MYO15B: variants seen among roughly 807,000 people sequenced by gnomAD.
MYO15B encodes the protein myosin XVB.
Under a neutral mutation model 119.3 loss-of-function variants are expected in MYO15B, and 207 were observed. The observed-to-expected ratio is 1.73, with a 90% CI of 1.55 to 1.95. MYO15B has a LOEUF of 1.95. Ranked by LOEUF, MYO15B falls within the 30% of genes most tolerant of loss-of-function variation. The pLI, the probability that MYO15B is intolerant of heterozygous loss-of-function variation, is 0.00. For missense variants in MYO15B, 2,264 were observed against 1,203.1 expected, an observed-to-expected ratio of 1.88 and a Z score of -13.04; for synonymous variants, 966 against 498.9, an observed-to-expected ratio of 1.94 and a Z score of -12.48.
At chr17:75,621,318 T>C (rs1331849285) in intron 50 of MYO15B, 27 bp from the exon 51 acceptor site, 1 of 689,782 alleles carries the variant, frequency 1.4e-6, no homozygotes. Context: ...CCAAACAAGC[T>C]GGGCTGTCTC....
intron 53 of MYO15B, among the ~76,000 whole-genome samples, chr17:75,622,500 T>TG (rs2058766723): frequency 6.6e-6 from 1 of 152,038 alleles, no homozygotes; most frequent in African/African-American, 2.4e-5. Flanking sequence ...AGGATGAGGA[T>TG]GGGGAGCGGA....
At chr17:75,602,856 A>G in exon 17 of MYO15B, 1 of 646,418 alleles carries the variant, frequency 1.5e-6, no homozygotes, top group Non-Finnish European at 2.8e-6. Context: ...TCCAGGAGGC[A>G]GAGCCCCAGT....
Position 75,624,185 on chromosome 17 carries a change from GAGCA to G in MYO15B, c.8284_8287del (p.Ser2762AlafsTer23), listed in dbSNP as rs1568233438. 4.3e-6 allele frequency: 3 copies of G among 702,990 alleles called. No individual in the cohort carries two copies. The South Asian group carries it at 4.4e-5, about 10-fold the overall frequency. 43.5% of individuals were successfully genotyped at this position (702,990 alleles called of 1,614,324 possible). A position where few individuals can be genotyped will look rare whatever the true frequency, so the allele number is the denominator to read the frequency against. ...CTGGCTTCTCTGCAGAGCTGGCCCG[GAGCA>G]GCCAGGAGCACCTCCAGCGCACAGT... On this transcript the variant is annotated frameshift_variant, in exon 56 of 64. Coordinates refer to ENST00000645453, the Ensembl canonical transcript of MYO15B. LOFTEE classifies it high-confidence loss of function.
intron 2 of MYO15B, 64 bp from the exon 3 acceptor site, chr17:75,590,843 T>TGCC (rs1328816285): frequency 3.6e-6 from 1 of 280,522 alleles, no homozygotes; most frequent in Non-Finnish European, 6.9e-6. Context: ...ACTGAGGGGC[T>TGCC]GGGCTCTGTT....
chr17:75,592,686 CCTGCAGGCTGCAAGGCAAGGA>C (rs1480106168), exon 9 of MYO15B: 1 of 700,652 alleles, frequency 1.4e-6, no homozygotes, highest in African/African-American at 1.7e-5. Flanking sequence ...CAGGGCCAGG[CCTGCAGGCTGCAAGGCAAGGA>C]GGATGCCCAG....
At chr17:75,588,184 G>T (rs777838038) in exon 1 of MYO15B, 13 of 397,886 alleles carry the variant, frequency 3.3e-5, no homozygotes, top group Non-Finnish European at 5.3e-5. Flanking sequence ...TTCCGACCGC[G>T]GGCAGGCGGA....
chr17:75,621,144 C>T (rs541035542), exon 50 of MYO15B: 33 of 700,886 alleles, frequency 4.7e-5, no homozygotes, highest in African/African-American at 3.3e-4. Flanking sequence ...TGCAGGAATT[C>T]GCCCGGCGTT....
intron 41 of MYO15B, 24 bp from the exon 42 acceptor site, chr17:75,617,773 CCCTCACTGAGGCT>C: frequency 1.5e-6 from 1 of 687,068 alleles, no homozygotes; most frequent in Non-Finnish European, 2.7e-6. Context: ...GCTCTGCAGC[CCCTCACTGAGGCT>C]CCTCACCCCC....
chr17:75,625,840 G>GC lies in MYO15B; in HGVS notation c.8939-3dup. The GC allele has an allele frequency of 1.4e-6, 1 of 702,728 alleles. No individual in the cohort carries two copies. The highest frequency in any genetic ancestry group is 2.6e-6 in the Non-Finnish European group (1 of 384,986). 43.5% of individuals were successfully genotyped at this position (702,728 alleles called of 1,614,324 possible). A position where few individuals can be genotyped will look rare whatever the true frequency, so the allele number is the denominator to read the frequency against. On this transcript the variant is annotated splice_polypyrimidine_tract_variant and splice_region_variant and intron_variant, in intron 61 of 63. Transcript: ENST00000645453. ...TTTCCTGCCTGCACCCTCTCCACCC[G>GC]CAGAGGCCATGAGCCAGCTGCCCCT...
intron 41 of MYO15B, chr17:75,617,575 T>TACCCGAC: frequency 3.5e-6 from 2 of 569,258 alleles, no homozygotes. Context: ...GTGAGGAAGT[T>TACCCGAC]AGTGGCCCTG....
chr17:75,623,277 A>G (rs779174675), intron 53 of MYO15B, among the ~76,000 whole-genome samples: 1 of 152,124 alleles, frequency 6.6e-6, no homozygotes, highest in Non-Finnish European at 1.5e-5. Flanking sequence ...GTGAGCCAAG[A>G]TGGCACCACT....
chr17:75,616,413 G>C lies in MYO15B; in HGVS notation c.6211G>C (p.Glu2071Gln), dbSNP rs1179669843. The stretch of plus-strand genomic sequence containing the variant: ...GGAGGAGGAGGAGGAGGAGGAGGAG[G>C]AGCAGGAGGAGCAAGAAGTGGAAAC... Residue 2071 changes from glutamate to glutamine, a missense_variant, in exon 38 of 64, where the codon GAG (glutamate) becomes CAG (glutamine). Coordinates refer to ENST00000645453, the Ensembl canonical transcript of MYO15B. 3 of 626,376 alleles carry C rather than the reference G, an allele frequency of 4.8e-6. No individual in the cohort carries two copies. In the East Asian group the frequency reaches 8.2e-5, roughly 17 times the overall value. 38.8% of individuals were successfully genotyped at this position (626,376 alleles called of 1,614,324 possible).
rs374181850 is a variant in MYO15B at position 75,613,686 on chromosome 17, G to A, written c.5147-19G>A. On this transcript the variant is annotated intron_variant, in intron 28 of 63. Transcript: ENST00000645453. The stretch of plus-strand genomic sequence containing the variant: ...TCTGCTGTCCCTCACTCTTGCCCCC[G>A]CCCCCCATGCCCCTGCAGAGGAGTG... 298 of 697,996 alleles carry A rather than the reference G, an allele frequency of 4.3e-4. 4 individuals are homozygous for A. The East Asian group carries it at 4.8e-3, about 11-fold the overall frequency. The allele number at this position is 697,996 out of a possible 1,614,324, so 43.2% of individuals were successfully genotyped here.
chr17:75,624,439 A>G (rs2058901067), exon 57 of MYO15B: 1 of 702,812 alleles, frequency 1.4e-6, no homozygotes, highest in African/African-American at 1.7e-5. Context: ...GAATATCCAG[A>G]CTTTCACAGT....
At chr17:75,616,835 C>G (rs903796706) in intron 39 of MYO15B, 39 bp from the exon 40 acceptor site, 2 of 702,956 alleles carry the variant, frequency 2.8e-6, no homozygotes, top group African/African-American at 3.5e-5. Context: ...CTCGGGGAAT[C>G]ACCCTATGAA....
intron 54 of MYO15B, 25 bp downstream of exon 54, chr17:75,623,879 G>GTC (rs1486969573): frequency 7.3e-6 from 4 of 551,180 alleles, no homozygotes; most frequent in Non-Finnish European, 1.3e-5. Flanking sequence ...GTGGCTTCTG[G>GTC]GGGTGGCTTC....
At chr17:75,619,107 C>T (rs982827216) in intron 43 of MYO15B, 36 bp from the exon 44 acceptor site, 2 of 702,664 alleles carry the variant, frequency 2.8e-6, no homozygotes, top group Non-Finnish European at 2.6e-6. Flanking sequence ...GGCTCTGTCT[C>T]AGGACCTGGT....
chr17:75,621,159 C>T (rs1441862751), exon 50 of MYO15B: 3 of 698,010 alleles, frequency 4.3e-6, no homozygotes, highest in Admixed American at 4.0e-5. Context: ...GGCGTTACTT[C>T]CGGAGGTCCC....
chr17:75,602,731 G>C, intron 16 of MYO15B, 99 bp from the exon 17 acceptor site: 1 of 604,466 alleles, frequency 1.7e-6, no homozygotes, highest in South Asian at 2.0e-5. Context: ...AGCTTGCCAG[G>C]GTCTGGATGC....
Sources: gnomAD v4.1 joint callset for allele counts (sites outside exome capture counted in the v4.1 genomes callset) on GRCh38, gnomAD v4.1.1 for gene constraint, MANE v1.5 for transcripts, NCBI Gene and HGNC (gene_info 2026-07-23, HGNC 2026-07-21) for gene names.